The following METTL15 variants were observed in gnomAD, a reference collection of about 807,000 sequenced individuals.
METTL15 encodes methyltransferase 15, mitochondrial 12S rRNA N4-cytidine.
In METTL15, 34 loss-of-function variants were observed where a neutral mutation model predicts 38.3. The observed-to-expected ratio is 0.89, with a 90% CI of 0.68 to 1.18. The LOEUF is 1.18. METTL15 is among the 50% of genes most tolerant of loss of function. METTL15 has a pLI of 0.00. For missense variants in METTL15, 438 were observed against 498.4 expected (o/e 0.88, Z 1.15); for synonymous variants, 162 against 170.9 (o/e 0.95, Z 0.41).
At chr11:28,448,532 C>T (rs1851093456) in intron 6 of METTL15, among the ~76,000 whole-genome samples, 2 of 152,204 alleles carry the variant, frequency 1.3e-5, no homozygotes, top group Admixed American at 1.3e-4. Flanking sequence ...AGACACCAAG[C>T]AGTTCTCCCA....
chr11:28,527,897 G>T (rs924906236), downstream of METTL15, among the ~76,000 whole-genome samples: 15 of 152,108 alleles, frequency 9.9e-5, no homozygotes, highest in African/African-American at 3.6e-4. Context: ...TCCAGGTCTG[G>T]CATTATTTCA....
At chr11:28,349,076 A>C (rs909373702) in intron 3 of METTL15, among the ~76,000 whole-genome samples, 2 of 150,970 alleles carry the variant, frequency 1.3e-5, no homozygotes, top group Admixed American at 1.3e-4. Flanking sequence ...AACCACATAC[A>C]TTTATATTTA....
At chr11:28,152,423 T>C (rs943930367) in intron 3 of METTL15, among the ~76,000 whole-genome samples, 1 of 151,982 alleles carries the variant, frequency 6.6e-6, no homozygotes, top group Non-Finnish European at 1.5e-5. Flanking sequence ...TTGAAAGGAA[T>C]TTGTTTATGT....
At chr11:28,293,850 C>A (rs1448126228) in intron 5 of METTL15, among the ~76,000 whole-genome samples, 3 of 152,070 alleles carry the variant, frequency 2.0e-5, no homozygotes, top group African/African-American at 7.2e-5. Context: ...TGATTTGGCT[C>A]TCTGTTTGTC....
chr11:28,255,574 G>A (rs887837173), intron 4 of METTL15, among the ~76,000 whole-genome samples: 1 of 152,100 alleles, frequency 6.6e-6, no homozygotes, highest in Non-Finnish European at 1.5e-5. Flanking sequence ...TATGATATTA[G>A]CTGTGGGTCT....
intron 6 of METTL15, among the ~76,000 whole-genome samples, chr11:28,475,635 T>C (rs1040077794): frequency 5.3e-5 from 8 of 152,228 alleles, no homozygotes; most frequent in Admixed American, 2.0e-4. Flanking sequence ...TCTAGTGTTA[T>C]GTTCTGTTCA....
chr11:28,190,198 A>C (rs957520555), intron 3 of METTL15, among the ~76,000 whole-genome samples: 1 of 151,244 alleles, frequency 6.6e-6, no homozygotes, highest in Non-Finnish European at 1.5e-5. Context: ...CTTGCTTGTG[A>C]CTATAACCTA....
intron 5 of METTL15, among the ~76,000 whole-genome samples, chr11:28,366,071 A>G (rs1002184808): frequency 6.6e-6 from 1 of 152,066 alleles, no homozygotes; most frequent in African/African-American, 2.4e-5. Flanking sequence ...AAATAAATAA[A>G]TAAGTAAAGA....
At chr11:28,218,953 C>G (rs769017989) in intron 4 of METTL15, among the ~76,000 whole-genome samples, 24 of 152,208 alleles carry the variant, frequency 1.6e-4, no homozygotes, top group African/African-American at 5.8e-4. Flanking sequence ...TTGCTGGATT[C>G]GGTTTGCCAG....
intron 4 of METTL15, chr11:28,261,560 A>C (rs1408739116): frequency 1.3e-5 from 2 of 152,186 alleles, no homozygotes; most frequent in Admixed American, 1.3e-4. Flanking sequence ...TTAAAGTAGT[A>C]TTTTAGTAGT....
At chr11:28,315,494 G>C (rs1219308741) in intron 6 of METTL15, among the ~76,000 whole-genome samples, 1 of 152,190 alleles carries the variant, frequency 6.6e-6, no homozygotes, top group East Asian at 1.9e-4. Context: ...AAGAGAAGCA[G>C]AGCATAAAAG....
At chr11:28,127,316 T>C (rs988128673) in intron 3 of METTL15, among the ~76,000 whole-genome samples, 2 of 152,068 alleles carry the variant, frequency 1.3e-5, no homozygotes, top group African/African-American at 4.8e-5. Context: ...CTGACATTTA[T>C]TAAATACTGT....
At chr11:28,370,675 G>A (rs935169258) in intron 5 of METTL15, among the ~76,000 whole-genome samples, 9 of 151,890 alleles carry the variant, frequency 5.9e-5, no homozygotes, top group Admixed American at 2.0e-4. Context: ...CTCACCAATG[G>A]TGTACTAGGG....
At chr11:28,156,742 CTG>C (rs1850278849) in intron 3 of METTL15, among the ~76,000 whole-genome samples, 1 of 152,052 alleles carries the variant, frequency 6.6e-6, no homozygotes. Context: ...TGTTTCATTT[CTG>C]TGTTATAAGA....
In METTL15 at chr11:28,269,873, A is replaced by C. The variant is rs76330133; in HGVS notation, c.408-20333A>C. Among the ~76,000 whole-genome samples, 285 of 152,342 alleles carry C rather than the reference A, an allele frequency of 1.9e-3. 7 individuals carry two copies. In the East Asian group the frequency reaches 0.052, roughly 28 times the overall value. On this transcript the variant is annotated intron_variant, in intron 4 of 6. Transcript: ENST00000407364. ...TGCTGATCTCTGCCAGTGTATTTTA[A>C]ATTGGATCTGATGGGACCACCATTT...
intron 3 of METTL15, among the ~76,000 whole-genome samples, chr11:28,150,963 A>G (rs995452659): frequency 3.4e-5 from 5 of 146,538 alleles, no homozygotes; most frequent in African/African-American, 1.0e-4. Context: ...TTGCCATCAG[A>G]TTAAGAGGAG....
chr11:28,246,230 T>A (rs1352904984), intron 4 of METTL15, among the ~76,000 whole-genome samples: 2 of 152,116 alleles, frequency 1.3e-5, no homozygotes, highest in African/African-American at 4.8e-5. Context: ...TTAAGGAAAT[T>A]GATAATTACC....
intron 6 of METTL15, among the ~76,000 whole-genome samples, chr11:28,525,334 G>T (rs1851801119): frequency 6.6e-6 from 1 of 152,122 alleles, no homozygotes; most frequent in South Asian, 2.1e-4. Context: ...GGTGCTGATT[G>T]GTGCATTTAC....
chr11:28,348,306 T>C (rs896337517), intron 3 of METTL15, among the ~76,000 whole-genome samples: 28 of 152,230 alleles, frequency 1.8e-4, no homozygotes, highest in African/African-American at 6.3e-4. Flanking sequence ...ACAATATTCC[T>C]TCCACATTTA....
Sources: gnomAD v4.1 joint callset for allele counts (sites outside exome capture counted in the v4.1 genomes callset) on GRCh38, gnomAD v4.1.1 for gene constraint, MANE v1.5 for transcripts, NCBI Gene and HGNC (gene_info 2026-07-23, HGNC 2026-07-21) for gene names.